Variants in MYH7B observed in about 807,000 individuals in gnomAD.
MYH7B encodes myosin heavy chain 7B.
MYH7B carries 205 observed loss-of-function variants against 234.5 expected under a neutral mutation model. The ratio of observed to expected loss-of-function variants is 0.87; its 90% CI spans 0.78 to 0.98. The LOEUF is 0.98. Ranked by LOEUF, MYH7B falls within the 50% of genes least tolerant of loss-of-function variation. MYH7B has a pLI of 0.00. For synonymous variants in MYH7B, 1,193 were observed against 1,105.0 expected (o/e 1.08, Z -1.58); for missense variants, 2,652 against 2,633.4 (o/e 1.01, Z -0.15).
chr20:34,997,335 CGGGAGCTGG>C, exon 32 of MYH7B: 1 of 1,545,590 alleles, frequency 6.5e-7, no homozygotes, highest in Non-Finnish European at 8.7e-7. Context: ...AGAGGCGGCG[CGGGAGCTGG>C]AGGAGCTGAG....
chr20:34,990,974 A>C (rs1301305785), intron 23 of MYH7B, 30 bp from the exon 24 acceptor site: 2 of 1,592,050 alleles, frequency 1.3e-6, no homozygotes, highest in Non-Finnish European at 1.7e-6. Context: ...GTGCCTGTTG[A>C]CCTCTGACCT....
At position 34,995,341 on chromosome 20, in the gene MYH7B, G is replaced by C. The variant is rs368366006; in HGVS notation, c.2706G>C (p.Gln902His). The C allele has an allele frequency of 1.4e-5, 23 of 1,612,666 alleles. No individual in the cohort carries two copies. The African/African-American group carries it at 2.7e-4, about 19-fold the overall frequency. Residue 902 changes from glutamine to histidine, a missense_variant, in exon 28 of 45, where the codon CAG becomes CAC. Gln to His is a conservative substitution (Grantham distance 24, BLOSUM62 0). Transcript: ENST00000262873. ...CCGTTCCGTGTGCCCTCCAGGAGCA[G>C]GACAACCTGGCAGATGCCGAGGAGC...
chr20:34,964,883 G>T (rs2081729560), intron 2 of MYH7B, among the ~76,000 whole-genome samples: 1 of 152,182 alleles, frequency 6.6e-6, no homozygotes, highest in Non-Finnish European at 1.5e-5. Flanking sequence ...GGTGTGACAT[G>T]AACTTTCCTT....
intron 2 of MYH7B, among the ~76,000 whole-genome samples, chr20:34,965,874 A>G (rs6579204): frequency 0.34 from 51,992 of 151,946 alleles, 9,836 homozygotes; most frequent in African/African-American, 0.5. Flanking sequence ...AGTGATATGA[A>G]TGAGAGGGTG....
chr20:34,997,552 T>G (rs1481107317), exon 32 of MYH7B: 1 of 1,611,230 alleles, frequency 6.2e-7, no homozygotes, highest in Non-Finnish European at 8.5e-7. Context: ...CTGCAGCGGG[T>G]GCGGCAGAAG....
chr20:34,961,577 T>C (rs2081698160), intron 2 of MYH7B, among the ~76,000 whole-genome samples: 1 of 152,242 alleles, frequency 6.6e-6, no homozygotes, highest in African/African-American at 2.4e-5. Context: ...GTACAACCAT[T>C]ACCACTGTCT....
intron 32 of MYH7B, 92 bp downstream of exon 32, chr20:34,997,732 A>C: frequency 6.7e-7 from 1 of 1,483,858 alleles, no homozygotes; most frequent in Admixed American, 1.9e-5. Context: ...GCCTCCACCC[A>C]GTACCTTATC....
intron 2 of MYH7B, among the ~76,000 whole-genome samples, chr20:34,974,894 G>A (rs61209978): frequency 6.6e-6 from 1 of 152,324 alleles, no homozygotes; most frequent in East Asian, 1.9e-4. Flanking sequence ...CCCTTGTGCA[G>A]GTCTTTTCTA....
At chr20:34,988,359 T>C (rs2082072716) in intron 19 of MYH7B, 97 bp downstream of exon 19, 2 of 1,365,068 alleles carry the variant, frequency 1.5e-6, no homozygotes, top group East Asian at 4.8e-5. Context: ...CCTGCAAGTG[T>C]GCATGGAAGC....
At chr20:34,993,812 T>C (rs1312711946) in intron 26 of MYH7B, among the ~76,000 whole-genome samples, 8 of 152,238 alleles carry the variant, frequency 5.3e-5, no homozygotes, top group Admixed American at 5.2e-4. Flanking sequence ...GGCGCTGTGA[T>C]GGCCTCCACT....
intron 2 of MYH7B, among the ~76,000 whole-genome samples, chr20:34,964,761 A>G (rs901449047): frequency 6.6e-6 from 1 of 152,172 alleles, no homozygotes; most frequent in Non-Finnish European, 1.5e-5. Context: ...TCTACAAAAA[A>G]TTTTTGTAAA....
At chr20:34,979,681 C>G (rs771760857) in exon 7 of MYH7B, 2 of 1,614,042 alleles carry the variant, frequency 1.2e-6, no homozygotes, top group African/African-American at 1.3e-5. Context: ...TGCGTGAAGC[C>G]GAGCTGCAGC....
At chr20:34,997,046 T>G (rs111514716) in intron 30 of MYH7B, 37 bp from the exon 31 acceptor site, 9 of 1,429,520 alleles carry the variant, frequency 6.3e-6, no homozygotes, top group African/African-American at 5.1e-5. Flanking sequence ...GGGTGGGAGT[T>G]AAGGCCTGTG....
rs1442206406 is a variant in MYH7B, at chr20:34,997,487, A to T, written c.3594A>T (p.Ala1198=). 15 of 1,551,800 alleles carry T rather than the reference A, an allele frequency of 9.7e-6. No individual in the cohort carries two copies. The East Asian group carries it at 3.7e-4, about 38-fold the overall frequency. ...TGCGGCACGAGGCCACAGTGGCGGC[A>T]CTGCGGCGCAAGCAGGCGGAGGGCG... Residue 1198 remains alanine, a synonymous_variant, in exon 32 of 45, where the codon GCA becomes GCT. Coordinates refer to ENST00000262873, the Ensembl canonical transcript of MYH7B.
In MYH7B at chr20:34,994,296, G is replaced by A. The variant is rs372620585; in HGVS notation, c.2595G>A (p.Gly865=). 49 of 1,611,200 alleles carry A rather than the reference G, an allele frequency of 3.0e-5. No individual in the cohort carries two copies. Among genetic ancestry groups the A allele is most frequent in the African/African-American group, 4.0e-5 (3 of 74,880 alleles). Residue 865 remains glycine, a synonymous_variant, in exon 27 of 45, where the codon GGG becomes GGA. Transcript: ENST00000262873. ...CGGCCCTGCGGGCAGAGCTGCGGGG[G>A]TTGCGAGGGGCGCTGGCTGCGGCCG... is the stretch of plus-strand genomic sequence containing the variant.
chr20:35,002,252 G>GC, exon 45 of MYH7B: 1 of 1,489,126 alleles, frequency 6.7e-7, no homozygotes. Context: ...GAGGCCACCT[G>GC]CCCCGATCCT....
intron 16 of MYH7B, 121 bp downstream of exon 16, chr20:34,987,408 C>T: frequency 1.4e-6 from 2 of 1,455,616 alleles, no homozygotes; most frequent in Non-Finnish European, 1.9e-6. Flanking sequence ...GCCTCCTCAG[C>T]TCCAAACCCT....
intron 16 of MYH7B, 53 bp from the exon 17 acceptor site, chr20:34,987,504 C>T: frequency 3.3e-6 from 5 of 1,504,876 alleles, no homozygotes; most frequent in Non-Finnish European, 4.6e-6. Context: ...CAGTAGAGCC[C>T]CTGAGTGCGC....
intron 6 of MYH7B, 31 bp downstream of exon 6, chr20:34,979,527 C>T (rs2147171807): frequency 6.2e-7 from 1 of 1,601,800 alleles, no homozygotes; most frequent in Non-Finnish European, 8.5e-7. Context: ...AGATTAGCCT[C>T]TCTGTCCCTA....
Sources: gnomAD v4.1 joint callset for allele counts (sites outside exome capture counted in the v4.1 genomes callset) on GRCh38, gnomAD v4.1.1 for gene constraint, MANE v1.5 for transcripts, NCBI Gene and HGNC (gene_info 2026-07-23, HGNC 2026-07-21) for gene names.